Variants in ATAD3B observed in about 807,000 individuals in gnomAD.
ATAD3B encodes ATPase family AAA domain containing 3B.
ATAD3B carries 59 observed loss-of-function variants against 70.2 expected under a neutral mutation model. That is an observed-to-expected ratio of 0.84 (90% confidence interval 0.68 to 1.04). ATAD3B has a LOEUF of 1.04. ATAD3B is among the 50% of genes least tolerant of loss of function. The pLI is 0.00. For synonymous variants in ATAD3B, 423 were observed against 388.6 expected, an observed-to-expected ratio of 1.09 and a Z score of -1.04; for missense variants, 961 against 913.4, an observed-to-expected ratio of 1.05 and a Z score of -0.67.
chr1:1,489,592 C>G, intron 13 of ATAD3B: 1 of 1,182,474 alleles, frequency 8.5e-7, no homozygotes, highest in Non-Finnish European at 1.2e-6. Context: ...TTGCTGCCGC[C>G]CAGAGGTCCC....
In ATAD3B at chr1:1,482,072, A is replaced by G; in HGVS notation, c.515-66A>G. ...GCCGGTCCGTGGCGTGGGCCGGTCC[A>G]CAGTGTGGGTGGAGGTGGACGTGCT... On this transcript the variant is annotated intron_variant, in intron 5 of 15. Coordinates refer to ENST00000673477, the MANE Select transcript of ATAD3B (RefSeq NM_031921.6). 11 of 1,562,882 alleles carry G rather than the reference A, an allele frequency of 7.0e-6. No homozygotes were observed. The South Asian group carries it at 1.2e-4, about 17-fold the overall frequency.
In ATAD3B at chr1:1,482,204, G is replaced by A. The variant is rs750326992; in HGVS notation, c.581G>A (p.Arg194Gln). 3.0e-5 allele frequency: 48 copies of A among 1,610,966 alleles called. 1 individual carries two copies. The highest frequency in any genetic ancestry group is 6.7e-5 in the Admixed American group (4 of 59,840). Reference sequence around the variant, plus strand: ...ATGCTGCGAGTGGAGACCGAGGCCCGGGCGCGCGCCAAGGCCGAGCGGGAG... The same window carrying A: ...ATGCTGCGAGTGGAGACCGAGGCCCAGGCGCGCGCCAAGGCCGAGCGGGAG... Reference protein sequence around the residue: ...NEMLRVETEARARAKAERENA... With the variant: ...NEMLRVETEAQARAKAERENA... The change falls in exon 6 of 16, where the codon CGG (arginine) becomes CAG (glutamine). Residue 194 changes from arginine to glutamine, a missense_variant. Arg to Gln is a conservative substitution (Grantham distance 43, BLOSUM62 1). This residue lies in a region of ATAD3B where 349 missense variants were observed against 307.5 expected (regional missense o/e 1.14). Coordinates refer to ENST00000673477, the MANE Select transcript of ATAD3B (RefSeq NM_031921.6).
rs185762308 is a variant in ATAD3B at position 1,485,152 on chromosome 1, C to T, written c.887C>T (p.Ala296Val). The change falls in exon 8 of 16, where the codon GCG (alanine) becomes GTG (valine). Residue 296 changes from alanine (A) to valine (V), a missense_variant. Transcript: ENST00000673477. Reference sequence around the variant, plus strand: ...ACGTCCCGCATCACGGTGCTGGAGGCGCTGCGGCACCCCATCCAGGTAGCG... The same window carrying T: ...ACGTCCCGCATCACGGTGCTGGAGGTGCTGCGGCACCCCATCCAGGTAGCG... ...RETSRITVLE[A>V]LRHPIQVSRR... is the part of the protein sequence containing the mutation. The T allele has an allele frequency of 1.1e-3, 1,784 of 1,610,354 alleles. 26 individuals carry two copies. In the East Asian group the frequency reaches 0.033, roughly 30 times the overall value.
Position 1,471,785 on chromosome 1 carries a change from C to CGG in ATAD3B, c.-100_-99insGG, listed in dbSNP as rs1475012268. 3.8e-4 allele frequency: 460 copies of CGG among 1,220,194 alleles called. 7 individuals carry two copies. Among genetic ancestry groups the CGG allele is most frequent in the Admixed American group, 4.7e-4 (11 of 23,612 alleles). 75.6% of individuals were successfully genotyped at this position (1,220,194 alleles called of 1,614,324 possible). ...TGTGTGTTTCGCCTGCGCAGTGGTC[C>CGG]TGGCCACCGGCTCGCGGCGCGTGGA... On this transcript the variant is annotated 5_prime_UTR_variant, in exon 1 of 16. Coordinates refer to ENST00000673477, the MANE Select transcript of ATAD3B (RefSeq NM_031921.6).
chr1:1,478,480 G>T, intron 2 of ATAD3B, 164 bp from the exon 3 acceptor site: 1 of 1,547,850 alleles, frequency 6.5e-7, no homozygotes. Flanking sequence ...GATTCCTCCA[G>T]GGCCTGATCC....
In ATAD3B at chr1:1,484,846, C is replaced by A. The variant is rs1173109992; in HGVS notation, c.751-170C>A. On this transcript the variant is annotated intron_variant, in intron 7 of 15. Transcript: ENST00000673477. ...TGACTGCCCCACCTGCCTCCTGTAA[C>A]CGCGTGGCTGTGGGATTCGGGGCTG... The A allele has an allele frequency of 1.7e-5, 24 of 1,407,000 alleles. 1 individual carries two copies. The highest frequency in any genetic ancestry group is 2.8e-5 in the Admixed American group (1 of 36,230). The allele number at this position is 1,407,000 out of a possible 1,614,324, so 87.2% of individuals were successfully genotyped here.
downstream of ATAD3B, among the ~76,000 whole-genome samples, chr1:1,502,506 C>CCTACACTG (rs1379870850): frequency 1.1e-4 from 12 of 113,626 alleles, no homozygotes; most frequent in South Asian, 2.9e-4. Context: ...CCGTGCCCAG[C>CCTACACTG]ATTTTTTTTT....
chr1:1,484,908 G>A (rs982944814), intron 7 of ATAD3B, 108 bp from the exon 8 acceptor site: 3 of 1,477,076 alleles, frequency 2.0e-6, no homozygotes, highest in Non-Finnish European at 2.7e-6. Context: ...ACACGGCCCT[G>A]TGCTTCTCCC....
intron 1 of ATAD3B, among the ~76,000 whole-genome samples, chr1:1,474,201 C>CT (rs112920697): frequency 0.015 from 2,145 of 145,816 alleles, 38 homozygotes; most frequent in Middle Eastern, 0.028. Context: ...TTCTTTTTTT[C>CT]TTTTTTTTTT....
At chr1:1,505,845 A>G in the ATAD3B span, among the ~76,000 whole-genome samples, 2 of 152,210 alleles carry the variant, frequency 1.3e-5, no homozygotes, top group Admixed American at 6.5e-5. Context: ...ATATATAATC[A>G]TATCTAAGAT....
intron 15 of ATAD3B, among the ~76,000 whole-genome samples, chr1:1,491,748 T>C (rs1473845498): frequency 3.3e-5 from 5 of 151,912 alleles, no homozygotes; most frequent in African/African-American, 1.2e-4. Context: ...AGCCGGGGTA[T>C]GTAGGGAGCT....
At position 1,490,414 on chromosome 1, in the gene ATAD3B, G is replaced by C. The variant is rs557717819; in HGVS notation, c.1495G>C (p.Glu499Gln). The C allele has an allele frequency of 6.8e-6, 11 of 1,613,386 alleles. No individual in the cohort carries two copies. In the African/African-American group the frequency reaches 9.3e-5, roughly 14 times the overall value. ...CAACTGTGTTCTTAAGCCGGCCACAGAAGGAAAACGGTGAGTGTCCCGCCT... is the reference window on the plus strand; with the variant it reads ...CAACTGTGTTCTTAAGCCGGCCACACAAGGAAAACGGTGAGTGTCCCGCCT... Reference protein sequence around the residue: ...FDNCVLKPATEGKRRLKLAQF... With the variant: ...FDNCVLKPATQGKRRLKLAQF... The change falls in exon 14 of 16, where the codon GAA becomes CAA. Residue 499 changes from glutamate (E) to glutamine (Q), a missense_variant. Transcript: ENST00000673477.
At chr1:1,503,680 G>T in the ATAD3B span, 1 of 1,611,004 alleles carries the variant, frequency 6.2e-7, no homozygotes, top group East Asian at 2.2e-5. Flanking sequence ...GGCCGGTGTG[G>T]GTGGGGAGGC....
chr1:1,498,417 C>T (rs966544814), downstream of ATAD3B, among the ~76,000 whole-genome samples: 1 of 151,912 alleles, frequency 6.6e-6, no homozygotes, highest in Admixed American at 6.6e-5. Context: ...GCCGAGATCG[C>T]ACCACTGCAC....
chr1:1,481,527 G>T (rs1405600646), intron 5 of ATAD3B, among the ~76,000 whole-genome samples: 5 of 65,724 alleles, frequency 7.6e-5, no homozygotes, highest in Admixed American at 1.8e-4. Context: ...GGTATTTGGT[G>T]CCATGTGGCA....
rs764144558 is a variant in ATAD3B, at chr1:1,490,250, C to A, written c.1338-7C>A. 2 of 1,611,204 alleles carry A rather than the reference C, an allele frequency of 1.2e-6. No homozygotes were observed. Among genetic ancestry groups the A allele is most frequent in the South Asian group, 2.2e-5 (2 of 90,924 alleles). ...CCAGCGTTTCCTTCCCCATCCCTGTCCTACAGATTCATGCTGGTCCTGGCC... is the reference window on the plus strand; with the variant it reads ...CCAGCGTTTCCTTCCCCATCCCTGTACTACAGATTCATGCTGGTCCTGGCC... On this transcript the variant is annotated splice_region_variant and splice_polypyrimidine_tract_variant and intron_variant, in intron 13 of 15. Transcript: ENST00000673477.
intron 2 of ATAD3B, 58 bp from the exon 3 acceptor site, chr1:1,478,586 G>A: frequency 2.6e-6 from 4 of 1,550,138 alleles, no homozygotes; most frequent in Non-Finnish European, 3.5e-6. Flanking sequence ...CACAGGAGCG[G>A]CTGTCAGGCA....
Position 1,482,744 on chromosome 1 carries a change from C to A in ATAD3B, c.750+130C>A, listed in dbSNP as rs566514909. 53 of 1,453,894 alleles carry A rather than the reference C, an allele frequency of 3.6e-5. No homozygotes were observed. In the East Asian group the frequency reaches 1.3e-3, roughly 34 times the overall value. 90.1% of individuals were successfully genotyped at this position (1,453,894 alleles called of 1,614,324 possible). A position where few individuals can be genotyped will look rare whatever the true frequency, so the allele number is the denominator to read the frequency against. Reference sequence around the variant, plus strand: ...GCTCTCCCAGCACAGAGCAAACCCACGTTGTACCTGCTGGGCTCGGCTGCT... The same window carrying A: ...GCTCTCCCAGCACAGAGCAAACCCAAGTTGTACCTGCTGGGCTCGGCTGCT... On this transcript the variant is annotated intron_variant, in intron 7 of 15. Transcript: ENST00000673477.
downstream of ATAD3B, among the ~76,000 whole-genome samples, chr1:1,499,279 CTTTTTTTTTT>C (rs752359726): frequency 1.8e-5 from 2 of 113,838 alleles, no homozygotes; most frequent in African/African-American, 6.9e-5. Context: ...CCTGGAATAC[CTTTTTTTTTT>C]TTTTTTTTTT....
Sources: allele counts gnomAD v4.1 joint callset (sites outside exome capture counted in the v4.1 genomes callset), GRCh38; gene constraint gnomAD v4.1.1; regional missense constraint gnomAD v4.1.1; transcripts MANE v1.5; gene names NCBI Gene and HGNC (gene_info 2026-07-23, HGNC 2026-07-21).